The following DIAPH2 variants were observed in gnomAD, a reference collection of about 807,000 sequenced individuals.
The protein encoded by DIAPH2 is diaphanous related formin 2.
Under a neutral mutation model 92.7 loss-of-function variants are expected in DIAPH2, and 35 were observed. The observed-to-expected ratio is 0.38, with a 90% CI of 0.29 to 0.50. The LOEUF (loss-of-function observed/expected upper bound fraction) is 0.50. Among genes scored for constraint, DIAPH2 ranks in the 20% least tolerant of loss-of-function variants. The pLI, the probability that DIAPH2 is intolerant of heterozygous loss-of-function variation, is 0.94. For missense variants in DIAPH2, 701 were observed against 819.5 expected, an observed-to-expected ratio of 0.86 and a Z score of 1.77; for synonymous variants, 301 against 280.4, an observed-to-expected ratio of 1.07 and a Z score of -0.73.
At chrX:97,031,843 T>A (rs1174240403) in intron 17 of DIAPH2, among the ~76,000 whole-genome samples, 1 of 111,791 alleles carries the variant, frequency 8.9e-6, no homozygotes, top group Non-Finnish European at 1.9e-5. Context: ...TGATGCCAGA[T>A]CTGAATTTCA....
intron 26 of DIAPH2, among the ~76,000 whole-genome samples, chrX:97,459,191 A>G (rs183815584): frequency 2.0e-4 from 22 of 112,172 alleles, no homozygotes; most frequent in Admixed American, 9.5e-4. Flanking sequence ...GGGTGTCTCA[A>G]GTTTACTCTC....
At chrX:97,555,214 G>C (rs2071248986) in intron 26 of DIAPH2, among the ~76,000 whole-genome samples, 1 of 111,405 alleles carries the variant, frequency 9.0e-6, no homozygotes, top group Non-Finnish European at 1.9e-5. Flanking sequence ...TGTCTGTTTT[G>C]ACTTAAACCC....
intron 4 of DIAPH2, among the ~76,000 whole-genome samples, chrX:96,847,027 TG>T: frequency 8.9e-6 from 1 of 111,763 alleles, no homozygotes; most frequent in East Asian, 2.8e-4. Flanking sequence ...ATTGCCTTAT[TG>T]TCATTCTAAT....
At chrX:96,902,208 G>A (rs2065402277) in intron 5 of DIAPH2, among the ~76,000 whole-genome samples, 1 of 112,088 alleles carries the variant, frequency 8.9e-6, no homozygotes, top group African/African-American at 3.2e-5. Context: ...CTATCAGATG[G>A]TCTGTCTTGG....
At chrX:97,289,094 C>T (rs1319141727) in intron 23 of DIAPH2, among the ~76,000 whole-genome samples, 2 of 111,433 alleles carry the variant, frequency 1.8e-5, no homozygotes, top group Non-Finnish European at 3.8e-5. Flanking sequence ...CAACCAAATA[C>T]GGGATTTTTG....
At chrX:96,707,273 A>G (rs1244059240) in intron 1 of DIAPH2, among the ~76,000 whole-genome samples, 2 of 108,545 alleles carry the variant, frequency 1.8e-5, no homozygotes, top group Non-Finnish European at 3.8e-5. Context: ...GGCTCAAGCG[A>G]TTCTCATGCC....
At chrX:97,194,688 A>G (rs1224776619) in intron 22 of DIAPH2, among the ~76,000 whole-genome samples, 1 of 111,885 alleles carries the variant, frequency 8.9e-6, no homozygotes, top group African/African-American at 3.2e-5. Context: ...AATAAATAGT[A>G]TTGTTATAGA....
chrX:97,573,826 A>G (rs957725789), intron 26 of DIAPH2, among the ~76,000 whole-genome samples: 1 of 109,213 alleles, frequency 9.2e-6, no homozygotes, highest in Non-Finnish European at 1.9e-5. Context: ...ACACCCTGCT[A>G]CTTTCTGTAT....
intron 25 of DIAPH2, among the ~76,000 whole-genome samples, chrX:97,392,615 A>T (rs1035328792): frequency 2.7e-4 from 30 of 111,685 alleles, no homozygotes; most frequent in African/African-American, 9.7e-4. Context: ...CTATCCAAGT[A>T]AAAGGGAATA....
At chrX:96,794,304 T>C (rs2064522944) in intron 4 of DIAPH2, among the ~76,000 whole-genome samples, 1 of 111,307 alleles carries the variant, frequency 9.0e-6, no homozygotes, top group Non-Finnish European at 1.9e-5. Context: ...GACATAAACA[T>C]TCAGACCATA....
At chrX:97,398,117 C>T (rs2069722091) in intron 25 of DIAPH2, among the ~76,000 whole-genome samples, 1 of 112,349 alleles carries the variant, frequency 8.9e-6, no homozygotes, top group Admixed American at 9.4e-5. Context: ...AAACTACCTC[C>T]CCTGTGTCTT....
At chrX:96,793,752 A>G in intron 4 of DIAPH2, 1 of 283,296 alleles carries the variant, frequency 3.5e-6, no homozygotes, top group Non-Finnish European at 6.7e-6. Context: ...TAATACAATC[A>G]CATTGCAGGT....
intron 17 of DIAPH2, among the ~76,000 whole-genome samples, chrX:97,030,908 A>G (rs757492497): frequency 8.9e-6 from 1 of 112,114 alleles, no homozygotes; most frequent in South Asian, 3.7e-4. Context: ...GAGTAGAAAC[A>G]TACGCTTAAA....
At chrX:97,146,187 C>T (rs1464492475) in intron 22 of DIAPH2, among the ~76,000 whole-genome samples, 1 of 108,573 alleles carries the variant, frequency 9.2e-6, no homozygotes, top group Non-Finnish European at 1.9e-5. Flanking sequence ...TACATTTCAG[C>T]CCTGTTTGAA....
At position 96,779,728 on chromosome X, in the gene DIAPH2, G is replaced by A. The variant is rs777721984; in HGVS notation, c.447+21470G>A. Among the ~76,000 whole-genome samples the A allele has an allele frequency of 6.3e-5, 7 of 111,778 alleles. No individual in the cohort carries two copies. The South Asian group carries it at 1.8e-3, about 29-fold the overall frequency. On this transcript the variant is annotated intron_variant, in intron 4 of 26. Transcript: ENST00000324765. ...CATGAATCTATAAATACCTACAAAT[G>A]TGTTTTCTAAAAACAAAAAAATTAT...
intron 17 of DIAPH2, among the ~76,000 whole-genome samples, chrX:97,065,477 T>C (rs2066627729): frequency 9.0e-6 from 1 of 111,592 alleles, no homozygotes; most frequent in Non-Finnish European, 1.9e-5. Context: ...ATGTAGCCAT[T>C]GTAACATTCT....
At chrX:97,496,750 C>G (rs2070761659) in intron 26 of DIAPH2, among the ~76,000 whole-genome samples, 1 of 103,104 alleles carries the variant, frequency 9.7e-6, no homozygotes, top group South Asian at 4.6e-4. Flanking sequence ...GTTGGCCAGG[C>G]TAGTCTCGAA....
At chrX:96,726,809 A>G in intron 1 of DIAPH2, among the ~76,000 whole-genome samples, 1 of 112,269 alleles carries the variant, frequency 8.9e-6, no homozygotes, top group Non-Finnish European at 1.9e-5. Flanking sequence ...CTTCTTGTAC[A>G]TAGGATTATT....
intron 23 of DIAPH2, among the ~76,000 whole-genome samples, chrX:97,298,808 CG>C (rs2147623180): frequency 9.1e-6 from 1 of 109,621 alleles, no homozygotes; most frequent in Non-Finnish European, 1.9e-5. Context: ...TTAGTAGAGA[CG>C]GGGTTTCACC....
Sources: gnomAD v4.1 joint callset for allele counts (sites outside exome capture counted in the v4.1 genomes callset) on GRCh38, gnomAD v4.1.1 for gene constraint, MANE v1.5 for transcripts, NCBI Gene and HGNC (gene_info 2026-07-23, HGNC 2026-07-21) for gene names.